The following ZNF366 variants were observed in gnomAD, a reference collection of about 807,000 sequenced individuals.
ZNF366 encodes the protein zinc finger protein 366.
Under a neutral mutation model 47.2 loss-of-function variants are expected in ZNF366, and 20 were observed. The ratio of observed to expected loss-of-function variants is 0.42; its 90% CI spans 0.30 to 0.62. ZNF366 has a LOEUF of 0.62. ZNF366 is among the 20% of genes least tolerant of loss of function. The pLI, the probability that ZNF366 is intolerant of heterozygous loss-of-function variation, is 0.16. For missense variants in ZNF366, 987 were observed against 976.3 expected, an observed-to-expected ratio of 1.01 and a Z score of -0.15; for synonymous variants, 421 against 395.1, an observed-to-expected ratio of 1.07 and a Z score of -0.78.
intron 4 of ZNF366, among the ~76,000 whole-genome samples, chr5:72,446,475 G>C (rs149077726): frequency 6.6e-6 from 1 of 152,210 alleles, no homozygotes; most frequent in Admixed American, 6.5e-5. Flanking sequence ...TTGATTAGAC[G>C]ATTAAGGAGC....
intron 1 of ZNF366, among the ~76,000 whole-genome samples, chr5:72,496,052 G>A (rs1373386737): frequency 1.3e-5 from 2 of 151,598 alleles, no homozygotes; most frequent in Non-Finnish European, 2.9e-5. Context: ...TAACTATACA[G>A]GTTGGAGATT....
chr5:72,458,568 G>A (rs1743238586), intron 2 of ZNF366, among the ~76,000 whole-genome samples: 1 of 152,208 alleles, frequency 6.6e-6, no homozygotes. Context: ...CTGTCAGGTG[G>A]TCAGGGGTGC....
At chr5:72,498,056 T>C (rs1744146168) in intron 1 of ZNF366, among the ~76,000 whole-genome samples, 1 of 152,090 alleles carries the variant, frequency 6.6e-6, no homozygotes, top group African/African-American at 2.4e-5. Context: ...CTTTTTATTG[T>C]AATGCAATAA....
intron 2 of ZNF366, among the ~76,000 whole-genome samples, chr5:72,458,311 C>A (rs957137251): frequency 6.6e-6 from 1 of 152,166 alleles, no homozygotes; most frequent in Non-Finnish European, 1.5e-5. Flanking sequence ...CCACCGCGCC[C>A]GGCCAGCATC....
At position 72,491,652 on chromosome 5, in the gene ZNF366, A is replaced by G. The variant is rs528146907; in HGVS notation, c.-15+15599T>C. ...ATAAATTAAAGCACCTGATACCAGA[A>G]AAAGACACTTAATAAATGGCAATTA... On this transcript the variant is annotated intron_variant, in intron 1 of 4. Transcript: ENST00000318442. Among the ~76,000 whole-genome samples the G allele has an allele frequency of 2.6e-5, 4 of 152,356 alleles. No homozygotes were observed. In the East Asian group the frequency reaches 7.7e-4, roughly 29 times the overall value.
intron 1 of ZNF366, among the ~76,000 whole-genome samples, chr5:72,462,385 C>T (rs181870060): frequency 6.6e-6 from 1 of 152,088 alleles, no homozygotes; most frequent in Admixed American, 6.5e-5. Flanking sequence ...TCCTGTGGTG[C>T]CTGACATGTC....
intron 1 of ZNF366, among the ~76,000 whole-genome samples, chr5:72,472,183 G>C (rs537977060): frequency 1.7e-4 from 26 of 152,276 alleles, no homozygotes; most frequent in African/African-American, 5.8e-4. Context: ...CTAGGTTCAA[G>C]GAACTCACCA....
intron 3 of ZNF366, among the ~76,000 whole-genome samples, chr5:72,448,653 G>A (rs531151677): frequency 6.6e-6 from 1 of 152,228 alleles, no homozygotes; most frequent in Admixed American, 6.5e-5. Context: ...TCAGGGTGAG[G>A]CATCCTCTGA....
At chr5:72,449,767 T>C (rs1185107021) in intron 3 of ZNF366, among the ~76,000 whole-genome samples, 1 of 152,208 alleles carries the variant, frequency 6.6e-6, no homozygotes, top group Non-Finnish European at 1.5e-5. Flanking sequence ...CTGCCTAGTA[T>C]TGGCGTGACA....
chr5:72,482,746 T>TTGTGTGTGTGTGTGTG (rs3041122), intron 1 of ZNF366, among the ~76,000 whole-genome samples: 14 of 141,078 alleles, frequency 9.9e-5, no homozygotes, highest in African/African-American at 3.8e-4. Context: ...CATTTCTATT[T>TTGTGTGTGTGTGTGTG]TGTGTGTGTG....
Position 72,447,465 on chromosome 5 carries a change from C to A in ZNF366, c.1525-48G>T, listed in dbSNP as rs771885120. The A allele has an allele frequency of 2.5e-6, 4 of 1,602,976 alleles. No homozygotes were observed. In the South Asian group the frequency reaches 3.3e-5, roughly 13 times the overall value. On this transcript the variant is annotated intron_variant, in intron 3 of 4. Coordinates refer to ENST00000318442, the MANE Select transcript of ZNF366 (RefSeq NM_152625.3). The stretch of plus-strand genomic sequence containing the variant: ...CACAGGTTACTCTGCCCGAGTGAAG[C>A]CCCATCCAGGCCCCTGGAGCACAGA...
intron 3 of ZNF366, among the ~76,000 whole-genome samples, chr5:72,450,327 A>G (rs1395986760): frequency 1.3e-5 from 2 of 152,138 alleles, no homozygotes; most frequent in East Asian, 1.9e-4. Context: ...GGTCCCATCT[A>G]TTTCCCTTCC....
At chr5:72,496,827 T>C (rs1039146893) in intron 1 of ZNF366, among the ~76,000 whole-genome samples, 2 of 152,220 alleles carry the variant, frequency 1.3e-5, no homozygotes, top group African/African-American at 4.8e-5. Context: ...GTTTTAGACA[T>C]TTTACTGGGT....
intron 1 of ZNF366, among the ~76,000 whole-genome samples, chr5:72,472,965 C>T (rs918260682): frequency 1.3e-5 from 2 of 152,182 alleles, no homozygotes; most frequent in Admixed American, 6.5e-5. Flanking sequence ...CCCACACCCT[C>T]GAGGGAGCTT....
intron 1 of ZNF366, among the ~76,000 whole-genome samples, chr5:72,473,415 A>G (rs1479601587): frequency 6.6e-6 from 1 of 152,198 alleles, no homozygotes; most frequent in African/African-American, 2.4e-5. Flanking sequence ...TATCTGATAT[A>G]TAGAGCAAAT....
intron 4 of ZNF366, among the ~76,000 whole-genome samples, chr5:72,445,228 A>C (rs377650007): frequency 2.5e-4 from 38 of 152,116 alleles, no homozygotes; most frequent in Non-Finnish European, 8.8e-5. Context: ...TCAGCATGGC[A>C]GTTTCATTTG....
At chr5:72,484,495 A>T (rs7710826) in intron 1 of ZNF366, among the ~76,000 whole-genome samples, 6,866 of 145,798 alleles carry the variant, frequency 0.047, 452 homozygotes, top group African/African-American at 0.14. Flanking sequence ...AAAAAAAAAA[A>T]AATAATAATA....
chr5:72,448,009 G>A (rs982463913), intron 3 of ZNF366, among the ~76,000 whole-genome samples: 49 of 152,266 alleles, frequency 3.2e-4, no homozygotes, highest in African/African-American at 1.0e-3. Context: ...CATACTGTGC[G>A]TCTCCCAACA....
chr5:72,442,384 C>A lies in ZNF366; in HGVS notation c.*1372G>T, dbSNP rs1473542601. 2.0e-5 allele frequency: 3 copies of A among 152,152 alleles called. No individual in the cohort carries two copies. Among genetic ancestry groups the A allele is most frequent in the Non-Finnish European group, 4.4e-5 (3 of 68,036 alleles). 9.4% of individuals were successfully genotyped at this position (152,152 alleles called of 1,614,324 possible). A position where few individuals can be genotyped will look rare whatever the true frequency, so the allele number is the denominator to read the frequency against. Reference sequence around the variant, plus strand: ...AAAATTTCAGTCCTAGGGCTCCACTCCAGATCAATTAAATCAGAATCTTAA... The same window carrying A: ...AAAATTTCAGTCCTAGGGCTCCACTACAGATCAATTAAATCAGAATCTTAA... On this transcript the variant is annotated 3_prime_UTR_variant, in exon 5 of 5. Transcript: ENST00000318442.
Sources: allele counts gnomAD v4.1 joint callset (sites outside exome capture counted in the v4.1 genomes callset), GRCh38; gene constraint gnomAD v4.1.1; transcripts MANE v1.5; gene names NCBI Gene and HGNC (gene_info 2026-07-23, HGNC 2026-07-21).